The following KCNQ1 variants were observed in gnomAD, a reference collection of about 807,000 sequenced individuals.
The protein encoded by KCNQ1 is potassium voltage-gated channel subfamily KQT member 1.
Under a neutral mutation model 72.4 loss-of-function variants are expected in KCNQ1, and 49 were observed. The ratio of observed to expected loss-of-function variants is 0.68; its 90% CI spans 0.54 to 0.86. The LOEUF is 0.86. KCNQ1 is among the 40% of genes least tolerant of loss of function. KCNQ1 has a pLI of 0.00. For synonymous variants in KCNQ1, 450 were observed against 412.6 expected (o/e 1.09, Z -1.10); for missense variants, 790 against 945.1 (o/e 0.84, Z 2.15).
At chr11:2,732,402 A>T (rs1204505288) in intron 11 of KCNQ1, among the ~76,000 whole-genome samples, 1 of 152,014 alleles carries the variant, frequency 6.6e-6, no homozygotes, top group Non-Finnish European at 1.5e-5. Context: ...CTCTTTCCAC[A>T]CTATTCCTGA....
Position 2,657,490 on chromosome 11 carries a change from C to T in KCNQ1, c.1394-4471C>T, listed in dbSNP as rs1028736203. The T allele has an allele frequency of 2.8e-5, 11 of 398,432 alleles. No homozygotes were observed. Among genetic ancestry groups the T allele is most frequent in the Non-Finnish European group, 4.4e-5 (10 of 226,044 alleles). 24.7% of individuals were successfully genotyped at this position (398,432 alleles called of 1,614,324 possible). On this transcript the variant is annotated intron_variant, in intron 10 of 15. Transcript: ENST00000155840. This position sits in a 1 kb window ranked among gnomAD's most constrained non-coding sequence, Gnocchi z 4.8. ...GGTTCTGTTTTCTCTTGTTACCTCACATTTTTTATTTACAGAAGAGAAACA... is the reference window on the plus strand; with the variant it reads ...GGTTCTGTTTTCTCTTGTTACCTCATATTTTTTATTTACAGAAGAGAAACA...
Position 2,620,659 on chromosome 11 carries a change from A to G in KCNQ1, c.1393+31805A>G, listed in dbSNP as rs970226591. ...AGTGCTGTGATGAACATACAAATGC[A>G]TGTGTCTTTTTGATAGAACAATTTA... is the stretch of plus-strand genomic sequence containing the variant. On this transcript the variant is annotated intron_variant, in intron 10 of 15. Transcript: ENST00000155840. This position sits in a 1 kb window ranked among gnomAD's most constrained non-coding sequence, Gnocchi z 4.5. 2 of 398,402 alleles carry G rather than the reference A, an allele frequency of 5.0e-6. No individual in the cohort carries two copies. Among genetic ancestry groups the G allele is most frequent in the African/African-American group, 4.1e-5 (2 of 48,624 alleles). The allele number at this position is 398,402 out of a possible 1,614,324, so 24.7% of individuals were successfully genotyped here. A position where few individuals can be genotyped will look rare whatever the true frequency, so the allele number is the denominator to read the frequency against.
At chr11:2,466,231 G>A (rs1375471017) in intron 1 of KCNQ1, among the ~76,000 whole-genome samples, 2 of 152,192 alleles carry the variant, frequency 1.3e-5, no homozygotes, top group Admixed American at 6.5e-5. Context: ...TGTAGCTGGG[G>A]AAACTGAGGC....
At chr11:2,733,290 T>TGAC (rs1845883981) in intron 11 of KCNQ1, among the ~76,000 whole-genome samples, 1 of 143,940 alleles carries the variant, frequency 6.9e-6, no homozygotes, top group South Asian at 2.2e-4. Flanking sequence ...CCATCAGCAC[T>TGAC]GACCCCACTC....
In KCNQ1 at chr11:2,663,707, G is replaced by C. The variant is rs1380871634; in HGVS notation, c.1514+1626G>C. The C allele has an allele frequency of 2.5e-6, 1 of 398,542 alleles. No individual in the cohort carries two copies. The highest frequency in any genetic ancestry group is 3.6e-5 in the East Asian group (1 of 28,096). The allele number at this position is 398,542 out of a possible 1,614,324, so 24.7% of individuals were successfully genotyped here. A position where few individuals can be genotyped will look rare whatever the true frequency, so the allele number is the denominator to read the frequency against. The stretch of plus-strand genomic sequence containing the variant: ...GGGCAGCCAGGCCTTACCAACTCTT[G>C]GGTCTTGCAAGGCCCCTGCAGGTGA... On this transcript the variant is annotated intron_variant, in intron 11 of 15. Coordinates refer to ENST00000155840, the MANE Select transcript of KCNQ1 (RefSeq NM_000218.3). This position sits in a 1 kb window ranked among gnomAD's most constrained non-coding sequence, Gnocchi z 5.2.
At position 2,621,488 on chromosome 11, in the gene KCNQ1, T is replaced by G. The variant is rs879930099; in HGVS notation, c.1393+32634T>G. On this transcript the variant is annotated intron_variant, in intron 10 of 15. Transcript: ENST00000155840. The surrounding 1 kb of genome is among the most constrained non-coding windows in gnomAD (Gnocchi z 5.7). ...AGTTTGCAAATATTTTTTCTCCCAT[T>G]CTATATGTTGTCTGTTTACTCTGTT... The G allele has an allele frequency of 7.5e-6, 3 of 398,478 alleles. No homozygotes were observed. The highest frequency in any genetic ancestry group is 1.3e-5 in the Non-Finnish European group (3 of 226,070). The allele number at this position is 398,478 out of a possible 1,614,324, so 24.7% of individuals were successfully genotyped here. A position where few individuals can be genotyped will look rare whatever the true frequency, so the allele number is the denominator to read the frequency against.
intron 10 of KCNQ1, chr11:2,634,179 T>C (rs1361684988): frequency 2.5e-6 from 1 of 397,708 alleles, no homozygotes; most frequent in African/African-American, 2.1e-5. Context: ...TCTCCCTTTT[T>C]TTTATTATAC....
At chr11:2,842,780 A>G (rs1022074766) in intron 15 of KCNQ1, among the ~76,000 whole-genome samples, 13 of 152,186 alleles carry the variant, frequency 8.5e-5, no homozygotes, top group African/African-American at 3.1e-4. Context: ...CCTAATGATC[A>G]TGGCCATCGG....
chr11:2,581,057 A>G (rs995982131), intron 6 of KCNQ1, among the ~76,000 whole-genome samples: 1 of 152,246 alleles, frequency 6.6e-6, no homozygotes, highest in African/African-American at 2.4e-5. Context: ...CAGCATGTTC[A>G]TACTGAAGGG....
intron 2 of KCNQ1, among the ~76,000 whole-genome samples, chr11:2,557,379 C>G (rs1394917205): frequency 1.3e-5 from 2 of 152,256 alleles, no homozygotes; most frequent in East Asian, 3.9e-4. Context: ...TGGAATAGGA[C>G]AGTTCTAGTG....
intron 1 of KCNQ1, among the ~76,000 whole-genome samples, chr11:2,454,811 G>A (rs1192253982): frequency 6.6e-6 from 1 of 151,518 alleles, no homozygotes; most frequent in Non-Finnish European, 1.5e-5. Flanking sequence ...GGTAAATGTG[G>A]TACTGAATGG....
At position 2,670,262 on chromosome 11, in the gene KCNQ1, C is replaced by T; in HGVS notation, c.1514+8181C>T. 1 of 398,518 alleles carries T rather than the reference C, an allele frequency of 2.5e-6. No individual in the cohort carries two copies. The highest frequency in any genetic ancestry group is 4.4e-5 in the Admixed American group (1 of 22,720). 24.7% of individuals were successfully genotyped at this position (398,518 alleles called of 1,614,324 possible). ...GCACATGACGGGCGAGGGAAGAGGA[C>T]CATGGTAGCTTGTCTCTAGGCAACC... On this transcript the variant is annotated intron_variant, in intron 11 of 15. Transcript: ENST00000155840. This position sits in a 1 kb window ranked among gnomAD's most constrained non-coding sequence, Gnocchi z 4.9.
chr11:2,687,985 G>A lies in KCNQ1; in HGVS notation c.1514+25904G>A, dbSNP rs1405763019. 2.5e-6 allele frequency: 1 copy of A among 398,602 alleles called. No individual in the cohort carries two copies. Among genetic ancestry groups the A allele is most frequent in the African/African-American group, 2.1e-5 (1 of 48,628 alleles). 24.7% of individuals were successfully genotyped at this position (398,602 alleles called of 1,614,324 possible). A position where few individuals can be genotyped will look rare whatever the true frequency, so the allele number is the denominator to read the frequency against. ...CCGCTGCTTCCTGCTTCCCTTTGATGTCTCCTCGTGCGAGGGAGGGGTCAG... is the reference window on the plus strand; with the variant it reads ...CCGCTGCTTCCTGCTTCCCTTTGATATCTCCTCGTGCGAGGGAGGGGTCAG... On this transcript the variant is annotated intron_variant, in intron 11 of 15. Transcript: ENST00000155840. This position sits in a 1 kb window ranked among gnomAD's most constrained non-coding sequence, Gnocchi z 5.0.
intron 10 of KCNQ1, chr11:2,649,814 C>A (rs1849730094): frequency 5.0e-6 from 2 of 398,266 alleles, no homozygotes; most frequent in South Asian, 2.5e-4. Flanking sequence ...TTGTGAGCTT[C>A]CTTTATCTGT....
At chr11:2,610,251 A>G (rs1307130478) in intron 10 of KCNQ1, 1 of 397,838 alleles carries the variant, frequency 2.5e-6, no homozygotes, top group Non-Finnish European at 4.4e-6. Context: ...AATCCTGGTG[A>G]GATACAGAAG....
intron 11 of KCNQ1, chr11:2,692,799 G>C (rs1850609664): frequency 2.5e-6 from 1 of 398,548 alleles, no homozygotes; most frequent in Admixed American, 4.4e-5. Context: ...TTTCTTGAAT[G>C]ACTGCATCCC....
intron 1 of KCNQ1, among the ~76,000 whole-genome samples, chr11:2,525,998 C>A (rs977249944): frequency 6.6e-6 from 1 of 152,160 alleles, no homozygotes; most frequent in African/African-American, 2.4e-5. Context: ...GTTGTGGGGG[C>A]CAGGGTCAGA....
Position 2,478,967 on chromosome 11 carries a change from G to A in KCNQ1, c.386+33483G>A, listed in dbSNP as rs117940711. Among the ~76,000 whole-genome samples the A allele has an allele frequency of 2.7e-3, 417 of 152,338 alleles. No homozygotes were observed. Among genetic ancestry groups the A allele is most frequent in the Middle Eastern group, 6.8e-3 (2 of 294 alleles). The stretch of plus-strand genomic sequence containing the variant: ...AATTGGCCAAAACGAAGGGGCTAAA[G>A]GCCCCATGCAAGTTCGAAATCCAGT... On this transcript the variant is annotated intron_variant, in intron 1 of 15. Transcript: ENST00000155840. This position sits in a 1 kb window ranked among gnomAD's most constrained non-coding sequence, Gnocchi z 4.0.
In KCNQ1 at chr11:2,464,992, C is replaced by T. The variant is rs537413142; in HGVS notation, c.386+19508C>T. Among the ~76,000 whole-genome samples the T allele has an allele frequency of 8.1e-4, 124 of 152,242 alleles. No homozygotes were observed. In the South Asian group the frequency reaches 0.013, roughly 17 times the overall value. On this transcript the variant is annotated intron_variant, in intron 1 of 15. Transcript: ENST00000155840. This position sits in a 1 kb window ranked among gnomAD's most constrained non-coding sequence, Gnocchi z 5.0. Reference sequence around the variant, plus strand: ...TGCAGGGAGCTGCCCCGGCCGCCCCCGTGGGTGCAGGCCATGGGCTCTTGT... The same window carrying T: ...TGCAGGGAGCTGCCCCGGCCGCCCCTGTGGGTGCAGGCCATGGGCTCTTGT...
Sources: gnomAD v4.1 joint callset for allele counts (sites outside exome capture counted in the v4.1 genomes callset) on GRCh38, gnomAD v4.1.1 for gene constraint, Gnocchi (gnomAD v3.1) non-coding constraint, MANE v1.5 for transcripts, NCBI Gene and HGNC (gene_info 2026-07-23, HGNC 2026-07-21) for gene names.